Variants in NRDC observed in about 807,000 individuals in gnomAD.
NRDC encodes the protein nardilysin convertase.
A neutral mutation model predicts 147.1 loss-of-function variants in NRDC; 54 were observed. The observed-to-expected ratio is 0.37, with a 90% CI of 0.29 to 0.46. The LOEUF (loss-of-function observed/expected upper bound fraction) is 0.46, where lower values mean the gene tolerates loss of function less well. Among genes scored for constraint, NRDC ranks in the 20% least tolerant of loss-of-function variants. The probability of loss-of-function intolerance (pLI) is 1.00; values close to 1 mark genes in which losing one functional copy is unlikely to be tolerated. For missense variants in NRDC, 1,082 were observed against 1,370.6 expected, an observed-to-expected ratio of 0.79 and a Z score of 3.33; for synonymous variants, 440 against 482.1, an observed-to-expected ratio of 0.91 and a Z score of 1.14.
At chr1:51,844,488 CAG>C (rs1681435488) in intron 1 of NRDC, among the ~76,000 whole-genome samples, 1 of 151,858 alleles carries the variant, frequency 6.6e-6, no homozygotes, top group Non-Finnish European at 1.5e-5. Flanking sequence ...AGAAAGGCCT[CAG>C]AAGAAACCGA....
chr1:51,843,671 T>A (rs957343534), intron 1 of NRDC, among the ~76,000 whole-genome samples: 3 of 152,184 alleles, frequency 2.0e-5, no homozygotes, highest in Non-Finnish European at 2.9e-5. Context: ...TAATAACTTA[T>A]GAGGGTTGAA....
chr1:51,816,627 A>C (rs1679980893), intron 10 of NRDC, among the ~76,000 whole-genome samples: 1 of 152,200 alleles, frequency 6.6e-6, no homozygotes, highest in Non-Finnish European at 1.5e-5. Context: ...ATTTAAGGGC[A>C]CTACTTTTTC....
intron 1 of NRDC, among the ~76,000 whole-genome samples, chr1:51,849,672 C>CAGGTT (rs1681839178): frequency 6.6e-6 from 1 of 150,446 alleles, no homozygotes; most frequent in African/African-American, 2.5e-5. Context: ...AAAAATTAGC[C>CAGGTT]GGGCATGGTG....
Position 51,790,897 on chromosome 1 carries a change from C to CA in NRDC, c.3051+2dup. On this transcript the variant is annotated splice_region_variant and intron_variant, in intron 28 of 30. Transcript: ENST00000352171. ...GGCCAAAAGACCAGGCTGGCACAGTCACCTGGGTGTTGAATGCCTCTTCAG... is the reference window on the plus strand; with the variant it reads ...GGCCAAAAGACCAGGCTGGCACAGTCAACCTGGGTGTTGAATGCCTCTTCAG... The CA allele has an allele frequency of 1.9e-6, 3 of 1,611,336 alleles. No homozygotes were observed. Among genetic ancestry groups the CA allele is most frequent in the South Asian group, 1.1e-5 (1 of 90,896 alleles).
chr1:51,866,076 C>A (rs1682791197), intron 1 of NRDC, among the ~76,000 whole-genome samples: 1 of 151,494 alleles, frequency 6.6e-6, no homozygotes, highest in Admixed American at 6.6e-5. Flanking sequence ...AGAAAAATTT[C>A]TTAAAATTAG....
intron 16 of NRDC, 108 bp downstream of exon 16, chr1:51,810,172 TA>T: frequency 1.3e-6 from 1 of 750,976 alleles, no homozygotes; most frequent in Non-Finnish European, 1.9e-6. Flanking sequence ...GTGAACTTTT[TA>T]AAAAATTATA....
chr1:51,835,922 TTC>T (rs1557919571), intron 3 of NRDC, among the ~76,000 whole-genome samples: 1 of 152,356 alleles, frequency 6.6e-6, no homozygotes, highest in South Asian at 2.1e-4. Flanking sequence ...TTTAAAAGTT[TTC>T]TGTGTGGTTT....
intron 2 of NRDC, among the ~76,000 whole-genome samples, chr1:51,837,183 T>C (rs1681028141): frequency 6.6e-6 from 1 of 152,224 alleles, no homozygotes; most frequent in African/African-American, 2.4e-5. Context: ...CTTTCCCAAA[T>C]TTGTTTTCTT....
At chr1:51,831,538 A>C (rs184936925) in intron 4 of NRDC, among the ~76,000 whole-genome samples, 1 of 151,634 alleles carries the variant, frequency 6.6e-6, no homozygotes, top group African/African-American at 2.4e-5. Flanking sequence ...TATAGGAAAG[A>C]TCATCTCAGG....
rs1679424619 is a variant in NRDC at position 51,805,577 on chromosome 1, C to T, written c.2111-16G>A. On this transcript the variant is annotated splice_polypyrimidine_tract_variant and intron_variant, in intron 18 of 30. Transcript: ENST00000352171. ...CGTATATATGCTAAAAGAAAAAAGA[C>T]CATAGATAAAAAAGGTTAGGGGCCT... 1.3e-6 allele frequency: 2 copies of T among 1,541,174 alleles called. No individual in the cohort carries two copies. The highest frequency in any genetic ancestry group is 2.3e-5 in the East Asian group (1 of 42,930).
Position 51,878,680 on chromosome 1 carries a change from G to C in NRDC, c.-65C>G. The C allele has an allele frequency of 2.1e-6, 3 of 1,446,028 alleles. No individual in the cohort carries two copies. The highest frequency in any genetic ancestry group is 1.3e-5 in the South Asian group (1 of 78,682). The allele number at this position is 1,446,028 out of a possible 1,614,324, so 89.6% of individuals were successfully genotyped here. A position where few individuals can be genotyped will look rare whatever the true frequency, so the allele number is the denominator to read the frequency against. ...GACCCACCTCCTCCGCGTTCTAGAG[G>C]CGGTGGCGGCCGGCCCTGGTGCTGC... On this transcript the variant is annotated 5_prime_UTR_variant, in exon 1 of 31. Coordinates refer to ENST00000352171, the MANE Select transcript of NRDC (RefSeq NM_001101662.2).
At chr1:51,838,468 A>C (rs1398117178) in intron 2 of NRDC, among the ~76,000 whole-genome samples, 1 of 152,184 alleles carries the variant, frequency 6.6e-6, no homozygotes, top group East Asian at 1.9e-4. Flanking sequence ...TTTGTCAGTT[A>C]ATAGGAAATA....
intron 2 of NRDC, chr1:51,836,530 C>A: frequency 8.8e-7 from 1 of 1,133,594 alleles, no homozygotes; most frequent in South Asian, 1.4e-5. Flanking sequence ...TTTCATAATT[C>A]TGAACCAAGT....
intron 20 of NRDC, among the ~76,000 whole-genome samples, chr1:51,801,849 G>A (rs958617359): frequency 2.0e-5 from 3 of 151,866 alleles, no homozygotes; most frequent in East Asian, 1.9e-4. Flanking sequence ...ATGCAGTGGC[G>A]CGATCTCGGC....
intron 20 of NRDC, 50 bp from the exon 21 acceptor site, chr1:51,800,733 T>C (rs778994172): frequency 1.3e-6 from 2 of 1,573,428 alleles, no homozygotes; most frequent in Non-Finnish European, 1.7e-6. Context: ...ATCCACTAGG[T>C]ATTAGGGAGG....
Position 51,819,856 on chromosome 1 carries a change from T to C in NRDC, c.1235A>G (p.Asn412Ser). The change falls in exon 9 of 31, where the codon AAC (asparagine) becomes AGC (serine). Residue 412 changes from asparagine to serine, a missense_variant. Physicochemically the swap from Asn to Ser is conservative, Grantham distance 46. This residue lies in a region of NRDC where 635 missense variants were observed against 923.8 expected (regional missense o/e 0.69). Coordinates refer to ENST00000352171, the MANE Select transcript of NRDC (RefSeq NM_001101662.2). Reference protein sequence around the residue: ...QIPNNGLPRPNFGHLTDPFDT... With the variant: ...QIPNNGLPRPSFGHLTDPFDT... ...AAATGGATCCGTTAAATGGCCAAAG[T>C]TTGGTCTGGGTAACCCACTGAAAAT... The C allele has an allele frequency of 6.2e-7, 1 of 1,607,748 alleles. No homozygotes were observed. Among genetic ancestry groups the C allele is most frequent in the Non-Finnish European group, 8.5e-7 (1 of 1,176,862 alleles).
intron 2 of NRDC, chr1:51,837,449 A>G (rs1257993515): frequency 2.7e-6 from 4 of 1,494,508 alleles, no homozygotes; most frequent in Non-Finnish European, 3.6e-6. Context: ...TCAAACCACA[A>G]TCTAACCTGT....
chr1:51,802,687 T>A (rs1305533502), intron 20 of NRDC, among the ~76,000 whole-genome samples: 3 of 152,180 alleles, frequency 2.0e-5, no homozygotes, highest in Non-Finnish European at 4.4e-5. Flanking sequence ...CCAATCTTTG[T>A]TCCATGGGGA....
chr1:51,804,090 A>G (rs1679338000), intron 19 of NRDC, 126 bp from the exon 20 acceptor site: 1 of 763,696 alleles, frequency 1.3e-6, no homozygotes, highest in Admixed American at 3.2e-5. Context: ...CAGAATGTAA[A>G]AGGTAATACA....
Sources: allele counts gnomAD v4.1 joint callset (sites outside exome capture counted in the v4.1 genomes callset), GRCh38; gene constraint gnomAD v4.1.1; regional missense constraint gnomAD v4.1.1; transcripts MANE v1.5; gene names NCBI Gene and HGNC (gene_info 2026-07-23, HGNC 2026-07-21).